Variants in STARD13 observed in about 807,000 individuals in gnomAD.
STARD13 encodes the protein stAR-related lipid transfer protein 13.
Under a neutral mutation model 106.4 loss-of-function variants are expected in STARD13, and 62 were observed. That is an observed-to-expected ratio of 0.58 (90% CI 0.48 to 0.72). The LOEUF (loss-of-function observed/expected upper bound fraction) is 0.72. Among genes scored for constraint, STARD13 ranks in the 30% least tolerant of loss-of-function variants. The pLI is 0.00. For missense variants in STARD13, 1,387 were observed against 1,424.0 expected (o/e 0.97, Z 0.42); for synonymous variants, 565 against 553.0 (o/e 1.02, Z -0.31).
chr13:33,404,834 T>C, the STARD13 span, among the ~76,000 whole-genome samples: 1 of 149,752 alleles, frequency 6.7e-6, no homozygotes, highest in Admixed American at 6.7e-5. Context: ...TGGAGTGCAG[T>C]GGCATGGTCT....
At chr13:33,598,220 C>T in the STARD13 span, among the ~76,000 whole-genome samples, 4 of 152,152 alleles carry the variant, frequency 2.6e-5, no homozygotes, top group Non-Finnish European at 5.9e-5. Flanking sequence ...TGGCTCCCTT[C>T]GAACTTAGTA....
chr13:33,204,586 G>T (rs1887281416), intron 1 of STARD13, among the ~76,000 whole-genome samples: 1 of 152,182 alleles, frequency 6.6e-6, no homozygotes, highest in Non-Finnish European at 1.5e-5. Context: ...TCATTCAAAG[G>T]TGCTAAGAAC....
At chr13:33,123,931 T>G (rs1481610695) in intron 7 of STARD13, among the ~76,000 whole-genome samples, 2 of 152,176 alleles carry the variant, frequency 1.3e-5, no homozygotes, top group Non-Finnish European at 2.9e-5. Flanking sequence ...GAAGGGGTTA[T>G]TTGCGGATGT....
chr13:33,392,109 T>C, the STARD13 span, among the ~76,000 whole-genome samples: 1,967 of 152,242 alleles, frequency 0.013, 52 homozygotes, highest in African/African-American at 0.044. Context: ...TGCAGATTCG[T>C]AATCTAGCTC....
intron 1 of STARD13, among the ~76,000 whole-genome samples, chr13:33,283,105 G>C (rs1291833335): frequency 6.6e-6 from 1 of 152,120 alleles, no homozygotes; most frequent in Non-Finnish European, 1.5e-5. Context: ...TGGTTAAAGA[G>C]AATAAAACAT....
chr13:33,516,682 A>G, the STARD13 span, among the ~76,000 whole-genome samples: 1 of 152,092 alleles, frequency 6.6e-6, no homozygotes, highest in Non-Finnish European at 1.5e-5. Flanking sequence ...ATGGCCCACA[A>G]ATGCCTCCTG....
At chr13:33,628,027 C>T in the STARD13 span, among the ~76,000 whole-genome samples, 1 of 149,976 alleles carries the variant, frequency 6.7e-6, no homozygotes, top group African/African-American at 2.5e-5. Flanking sequence ...TGCAGTGGCA[C>T]GATCTCGACT....
chr13:33,559,956 T>C, the STARD13 span, among the ~76,000 whole-genome samples: 2 of 151,574 alleles, frequency 1.3e-5, no homozygotes, highest in African/African-American at 4.9e-5. Context: ...AAGAACTAAA[T>C]GTGCTAGCAC....
chr13:33,165,331 GT>G lies in STARD13; in HGVS notation c.323+5del, dbSNP rs1566040376. 1 of 1,606,032 alleles carries G rather than the reference GT, an allele frequency of 6.2e-7. No homozygotes were observed. Among genetic ancestry groups the G allele is most frequent in the South Asian group, 1.1e-5 (1 of 90,892 alleles). ...GAAAGAAACAAAAATACTTCACATG[GT>G]TTACCTGCAAAGAGGTTCTACAAGG... On this transcript the variant is annotated splice_donor_5th_base_variant and intron_variant, in intron 3 of 13. Coordinates refer to ENST00000336934, the MANE Select transcript of STARD13 (RefSeq NM_178006.4).
intron 1 of STARD13, among the ~76,000 whole-genome samples, chr13:33,199,421 C>T (rs1447876687): frequency 6.6e-6 from 1 of 152,164 alleles, no homozygotes; most frequent in African/African-American, 2.4e-5. Context: ...AGGAGGAGAA[C>T]TGTAGTGAGA....
rs1318794246 is a variant in STARD13 at position 33,194,522 on chromosome 13, A to G, written c.170-26900T>C. Among the ~76,000 whole-genome samples, 6 of 152,330 alleles carry G rather than the reference A, an allele frequency of 3.9e-5. No individual in the cohort carries two copies. In the South Asian group the frequency reaches 1.0e-3, roughly 26 times the overall value. ...TTAATCAGCATTTGTTTTTGATTTA[A>G]AAGTAAGTTTATACTTAAACATCAT... On this transcript the variant is annotated intron_variant, in intron 1 of 13. Transcript: ENST00000336934.
chr13:33,510,382 G>A, the STARD13 span, among the ~76,000 whole-genome samples: 2 of 152,192 alleles, frequency 1.3e-5, no homozygotes, highest in African/African-American at 2.4e-5. Context: ...ATACTGGGCA[G>A]CCAAGGGATG....
intron 1 of STARD13, chr13:33,349,249 G>A (rs2078046829): frequency 2.8e-6 from 2 of 702,148 alleles, no homozygotes; most frequent in Non-Finnish European, 5.2e-6. Flanking sequence ...AAGGTCCAGA[G>A]ACTTGCCTCA....
the STARD13 span, among the ~76,000 whole-genome samples, chr13:33,456,515 G>A: frequency 1.3e-5 from 2 of 152,242 alleles, no homozygotes; most frequent in South Asian, 4.1e-4. Flanking sequence ...TACATTTCTG[G>A]AGGCTAGGAA....
At chr13:33,499,522 C>CT in the STARD13 span, among the ~76,000 whole-genome samples, 2,036 of 51,766 alleles carry the variant, frequency 0.039, 42 homozygotes, top group Admixed American at 0.043. Flanking sequence ...TTCTTTCTTT[C>CT]TTCTTCTTCT....
chr13:33,417,919 G>A, the STARD13 span, among the ~76,000 whole-genome samples: 4 of 152,328 alleles, frequency 2.6e-5, no homozygotes, highest in South Asian at 2.1e-4. Context: ...TGGGTGTATT[G>A]TAAACCGTAT....
At chr13:33,472,705 A>G in the STARD13 span, among the ~76,000 whole-genome samples, 3 of 152,208 alleles carry the variant, frequency 2.0e-5, no homozygotes, top group African/African-American at 7.2e-5. Flanking sequence ...GCAGCAATTT[A>G]TCATGCAGCA....
the STARD13 span, among the ~76,000 whole-genome samples, chr13:33,562,929 T>C: frequency 6.8e-6 from 1 of 146,686 alleles, no homozygotes; most frequent in Non-Finnish European, 1.5e-5. Flanking sequence ...AGAATGAATG[T>C]AGTAAGATAT....
At chr13:33,548,720 T>C in the STARD13 span, among the ~76,000 whole-genome samples, 1 of 152,188 alleles carries the variant, frequency 6.6e-6, no homozygotes, top group African/African-American at 2.4e-5. Flanking sequence ...GTTTGCTGTT[T>C]TAATATGCAT....
Sources: allele counts gnomAD v4.1 joint callset (sites outside exome capture counted in the v4.1 genomes callset), GRCh38; gene constraint gnomAD v4.1.1; transcripts MANE v1.5; gene names NCBI Gene and HGNC (gene_info 2026-07-23, HGNC 2026-07-21).